The following ASH1L variants were observed in gnomAD, a reference collection of about 807,000 sequenced individuals.
ASH1L encodes ASH1 like histone lysine methyltransferase.
ASH1L carries 23 observed loss-of-function variants against 269.0 expected under a neutral mutation model. That is an observed-to-expected ratio of 0.09 (90% CI 0.06 to 0.12). The LOEUF (loss-of-function observed/expected upper bound fraction) is 0.12, where lower values mean the gene tolerates loss of function less well. Ranked by LOEUF, ASH1L falls within the 10% of genes least tolerant of loss-of-function variation. The pLI is 1.00. For synonymous variants in ASH1L, 1,187 were observed against 1,253.5 expected (o/e 0.95, Z 1.12); for missense variants, 2,912 against 3,567.8 (o/e 0.82, Z 4.68).
chr1:155,486,862 A>G (rs1043656277), intron 2 of ASH1L, among the ~76,000 whole-genome samples: 2 of 151,928 alleles, frequency 1.3e-5, no homozygotes, highest in African/African-American at 2.4e-5. Flanking sequence ...GTTTAAAAAA[A>G]AAAAAAGAAA....
chr1:155,513,978 G>A (rs1351096343), intron 2 of ASH1L, among the ~76,000 whole-genome samples: 1 of 152,102 alleles, frequency 6.6e-6, no homozygotes, highest in African/African-American at 2.4e-5. Context: ...AAAAACGAAA[G>A]CAACTCTGAC....
chr1:155,464,113 A>G (rs1302373026), intron 3 of ASH1L, among the ~76,000 whole-genome samples: 1 of 152,110 alleles, frequency 6.6e-6, no homozygotes, highest in East Asian at 1.9e-4. Flanking sequence ...TCCCCTACTT[A>G]GCCCTTTTCC....
At chr1:155,559,472 T>C (rs529569454) in intron 1 of ASH1L, among the ~76,000 whole-genome samples, 1 of 150,706 alleles carries the variant, frequency 6.6e-6, no homozygotes, top group Non-Finnish European at 1.5e-5. Flanking sequence ...GAGGCAGAGG[T>C]TGCAGTGAAT....
In ASH1L at chr1:155,479,455, G is replaced by A. The variant is rs1570937081; in HGVS notation, c.3415C>T (p.His1139Tyr). 1.2e-6 allele frequency: 2 copies of A among 1,614,192 alleles called. No homozygotes were observed. Among genetic ancestry groups the A allele is most frequent in the Middle Eastern group, 3.3e-4 (2 of 6,062 alleles). Residue 1139 changes from histidine to tyrosine, a missense_variant, in exon 3 of 28, where the codon CAC (histidine) becomes TAC (tyrosine). This residue lies in a region of ASH1L where 157 missense variants were observed against 154.6 expected (regional missense o/e 1.02). Coordinates refer to ENST00000392403, the MANE Select transcript of ASH1L (RefSeq NM_018489.3). Reference sequence around the variant, plus strand: ...TGAATCATACTGCCCTGTCTGGAGTGTAAATGCAAATATGGCACTGAACTG... The same window carrying A: ...TGAATCATACTGCCCTGTCTGGAGTATAAATGCAAATATGGCACTGAACTG... ...EPSSVPYLHL[H>Y]SRQGSMIQTL...
At chr1:155,493,517 T>G (rs1055794881) in intron 2 of ASH1L, among the ~76,000 whole-genome samples, 1 of 152,252 alleles carries the variant, frequency 6.6e-6, no homozygotes, top group African/African-American at 2.4e-5. Flanking sequence ...CTATAACTGA[T>G]AGTATTCAAG....
At chr1:155,442,758 T>C (rs1379402404) in intron 4 of ASH1L, among the ~76,000 whole-genome samples, 1 of 152,134 alleles carries the variant, frequency 6.6e-6, no homozygotes, top group Non-Finnish European at 1.5e-5. Context: ...CTAGTAATAA[T>C]AAACTTCAGT....
chr1:155,344,379 AATATACCACAG>A, intron 21 of ASH1L, 106 bp from the exon 22 acceptor site: 1 of 806,790 alleles, frequency 1.2e-6, no homozygotes, highest in Non-Finnish European at 2.0e-6. Flanking sequence ...TAGTCATTTC[AATATACCACAG>A]ATATACAAAA....
At chr1:155,491,493 A>C (rs757301189) in intron 2 of ASH1L, among the ~76,000 whole-genome samples, 9 of 152,186 alleles carry the variant, frequency 5.9e-5, no homozygotes, top group Non-Finnish European at 1.3e-4. Flanking sequence ...TACTATAACT[A>C]TCCTCATTTA....
At chr1:155,462,722 A>C (rs1183827006) in intron 3 of ASH1L, among the ~76,000 whole-genome samples, 1 of 152,180 alleles carries the variant, frequency 6.6e-6, no homozygotes, top group Non-Finnish European at 1.5e-5. Context: ...TTTGAGTAAA[A>C]TTTCATTCAG....
intron 2 of ASH1L, among the ~76,000 whole-genome samples, chr1:155,520,710 A>T (rs1668827794): frequency 6.6e-6 from 1 of 151,888 alleles, no homozygotes; most frequent in South Asian, 2.1e-4. Flanking sequence ...TAAAAACACA[A>T]AATTAGCTCG....
chr1:155,379,471 C>G, intron 8 of ASH1L, among the ~76,000 whole-genome samples: 1 of 152,022 alleles, frequency 6.6e-6, no homozygotes, highest in East Asian at 1.9e-4. Context: ...AATATGAGAC[C>G]TGGGGGCTAT....
chr1:155,485,741 C>T (rs570312377), intron 2 of ASH1L, among the ~76,000 whole-genome samples: 2 of 152,228 alleles, frequency 1.3e-5, no homozygotes, highest in Admixed American at 1.3e-4. Context: ...CTACAAACAT[C>T]GACAACCCAT....
rs1668621797 is a variant in ASH1L at position 155,518,041 on chromosome 1, C to T, written c.420+3059G>A. Among the ~76,000 whole-genome samples, 5 of 151,896 alleles carry T rather than the reference C, an allele frequency of 3.3e-5. No homozygotes were observed. The South Asian group carries it at 1.0e-3, about 32-fold the overall frequency. ...GGTCTCGATCTCCTGACCTCGTGAT[C>T]CGCCCGCCTCGGCCTCCCAAAGTGC... On this transcript the variant is annotated intron_variant, in intron 2 of 27. Transcript: ENST00000392403.
intron 26 of ASH1L, 85 bp from the exon 27 acceptor site, chr1:155,338,475 A>C: frequency 1.6e-6 from 2 of 1,279,450 alleles, no homozygotes; most frequent in South Asian, 2.9e-5. Flanking sequence ...ATGGCTTGAG[A>C]TCCTGGAGTC....
chr1:155,461,082 T>A (rs1268151935), intron 3 of ASH1L, among the ~76,000 whole-genome samples: 1 of 152,162 alleles, frequency 6.6e-6, no homozygotes, highest in Admixed American at 6.5e-5. Flanking sequence ...AAAACTTACA[T>A]GTAACTGGAG....
intron 1 of ASH1L, among the ~76,000 whole-genome samples, chr1:155,523,767 A>C (rs532063051): frequency 2.6e-5 from 4 of 152,270 alleles, no homozygotes; most frequent in Admixed American, 6.5e-5. Context: ...ACTACTCAGG[A>C]GGCTGAGGCA....
intron 2 of ASH1L, among the ~76,000 whole-genome samples, chr1:155,510,301 CT>C (rs1668082583): frequency 6.7e-6 from 1 of 150,286 alleles, no homozygotes; most frequent in Non-Finnish European, 1.5e-5. Context: ...GTAATCCCAG[CT>C]ACTCAAGAGG....
At chr1:155,349,652 ATC>A in intron 17 of ASH1L, 56 bp from the exon 18 acceptor site, 1 of 1,487,364 alleles carries the variant, frequency 6.7e-7, no homozygotes, top group Non-Finnish European at 9.3e-7. Flanking sequence ...GGAGGCAAGC[ATC>A]TCCTAACTGG....
At chr1:155,501,387 A>T (rs1667488451) in intron 2 of ASH1L, among the ~76,000 whole-genome samples, 1 of 152,090 alleles carries the variant, frequency 6.6e-6, no homozygotes, top group Non-Finnish European at 1.5e-5. Flanking sequence ...CTAATTATTT[A>T]TTACATATTG....
Sources: allele counts gnomAD v4.1 joint callset (sites outside exome capture counted in the v4.1 genomes callset), GRCh38; gene constraint gnomAD v4.1.1; regional missense constraint gnomAD v4.1.1; transcripts MANE v1.5; gene names NCBI Gene and HGNC (gene_info 2026-07-23, HGNC 2026-07-21).